The following OLFM2 variants were observed in gnomAD, a reference collection of about 807,000 sequenced individuals.
OLFM2 encodes noelin-2.
OLFM2 carries 20 observed loss-of-function variants against 43.9 expected under a neutral mutation model. The observed-to-expected ratio is 0.46, with a 90% CI of 0.32 to 0.66. The LOEUF is 0.66. OLFM2 is among the 30% of genes least tolerant of loss of function. The pLI is 0.04. For missense variants in OLFM2, 416 were observed against 643.6 expected (o/e 0.65, Z 3.83); for synonymous variants, 268 against 278.6 (o/e 0.96, Z 0.38).
At chr19:9,910,005 A>G (rs1229894098) in intron 1 of OLFM2, among the ~76,000 whole-genome samples, 1 of 152,084 alleles carries the variant, frequency 6.6e-6, no homozygotes, top group Non-Finnish European at 1.5e-5. Flanking sequence ...TTCAGTAGTG[A>G]GCAAAACACA....
intron 1 of OLFM2, chr19:9,913,717 C>G: frequency 9.9e-7 from 1 of 1,010,414 alleles, no homozygotes; most frequent in Non-Finnish European, 1.2e-6. Flanking sequence ...CCCGGGGGGG[C>G]GTGGGGGAGG....
chr19:9,876,444 A>C (rs971631214), intron 1 of OLFM2, among the ~76,000 whole-genome samples: 4 of 152,114 alleles, frequency 2.6e-5, no homozygotes, highest in Non-Finnish European at 4.4e-5. Context: ...ACATTGATCA[A>C]CCTGCCAATA....
At position 9,853,903 on chromosome 19, in the gene OLFM2, G is replaced by C; in HGVS notation, c.*283C>G. The C allele has an allele frequency of 3.5e-6, 2 of 571,016 alleles. No homozygotes were observed. Among genetic ancestry groups the C allele is most frequent in the South Asian group, 4.7e-5 (2 of 42,584 alleles). The allele number at this position is 571,016 out of a possible 1,614,324, so 35.4% of individuals were successfully genotyped here. On this transcript the variant is annotated 3_prime_UTR_variant, in exon 6 of 6. Transcript: ENST00000264833. ...AGAGAGAGAGACAGAGAGAGGCAGAGACGGAAAGAACTGGAGAACCAGAGC... is the reference window on the plus strand; with the variant it reads ...AGAGAGAGAGACAGAGAGAGGCAGACACGGAAAGAACTGGAGAACCAGAGC...
chr19:9,904,825 G>C (rs757720105), intron 1 of OLFM2, among the ~76,000 whole-genome samples: 17 of 152,104 alleles, frequency 1.1e-4, no homozygotes, highest in Non-Finnish European at 2.2e-4. Flanking sequence ...TTTGAGACCA[G>C]CCTGGGCCAC....
At chr19:9,935,602 C>G (rs907596137) in intron 1 of OLFM2, among the ~76,000 whole-genome samples, 2 of 152,220 alleles carry the variant, frequency 1.3e-5, no homozygotes, top group South Asian at 4.1e-4. Flanking sequence ...CACGCTCACT[C>G]CAAGGCTCTC....
chr19:9,896,608 T>C (rs1323819732), intron 1 of OLFM2, among the ~76,000 whole-genome samples: 3 of 152,160 alleles, frequency 2.0e-5, no homozygotes, highest in Non-Finnish European at 4.4e-5. Flanking sequence ...ATCCTTCCTC[T>C]TACCCCAGGG....
At position 9,929,170 on chromosome 19, in the gene OLFM2, C is replaced by T. The variant is rs943463674; in HGVS notation, c.63+7134G>A. On this transcript the variant is annotated intron_variant, in intron 1 of 5. Transcript: ENST00000264833. Reference sequence around the variant, plus strand: ...GTTCCTGTCATGACAAGTTTTTTCCCAACACAGCCAGACTCAACTCCTCCA... The same window carrying T: ...GTTCCTGTCATGACAAGTTTTTTCCTAACACAGCCAGACTCAACTCCTCCA... Among the ~76,000 whole-genome samples, 11 of 152,134 alleles carry T rather than the reference C, an allele frequency of 7.2e-5. No homozygotes were observed. The East Asian group carries it at 1.9e-3, about 27-fold the overall frequency.
chr19:9,915,340 G>A (rs893232822), intron 1 of OLFM2, among the ~76,000 whole-genome samples: 1 of 150,660 alleles, frequency 6.6e-6, no homozygotes, highest in African/African-American at 2.5e-5. Context: ...GCCTCCCAAA[G>A]TGTTGGCATT....
intron 1 of OLFM2, among the ~76,000 whole-genome samples, chr19:9,893,196 G>A (rs570710519): frequency 8.7e-5 from 13 of 148,888 alleles, no homozygotes; most frequent in African/African-American, 2.2e-4. Flanking sequence ...ACAGAGTCTC[G>A]CTCTGTTGCC....
chr19:9,910,388 A>C (rs1010618127), intron 1 of OLFM2, among the ~76,000 whole-genome samples: 14 of 152,136 alleles, frequency 9.2e-5, no homozygotes, highest in African/African-American at 3.4e-4. Context: ...GGGGTTTTCA[A>C]ACATAAAAAT....
chr19:9,921,542 G>A (rs758148456), intron 1 of OLFM2, among the ~76,000 whole-genome samples: 18 of 150,986 alleles, frequency 1.2e-4, no homozygotes, highest in Non-Finnish European at 2.2e-4. Context: ...AGGCTGGAGT[G>A]CAGTGGCATG....
At chr19:9,874,436 G>A (rs1196727684) in intron 1 of OLFM2, among the ~76,000 whole-genome samples, 1 of 151,456 alleles carries the variant, frequency 6.6e-6, no homozygotes, top group African/African-American at 2.4e-5. Flanking sequence ...CAAAGTGGTG[G>A]CATTACAGAC....
In OLFM2 at chr19:9,877,535, A is replaced by AAAATAAATAAAT. The variant is rs71188850; in HGVS notation, c.64-16753_64-16742dup. 2.0e-5 allele frequency among the ~76,000 whole-genome samples: 3 copies of AAAATAAATAAAT among 147,566 alleles called. No homozygotes were observed. The Admixed American group carries it at 2.0e-4, about 10-fold the overall frequency. On this transcript the variant is annotated intron_variant, in intron 1 of 5. Coordinates refer to ENST00000264833, the MANE Select transcript of OLFM2 (RefSeq NM_058164.4). ...GCAACAAGAGAGAAACTCTGTCTCA[A>AAAATAAATAAAT]AAATAAATAAATAAATAAATAAATA...
chr19:9,889,797 G>A (rs953327865), intron 1 of OLFM2, among the ~76,000 whole-genome samples: 1 of 152,162 alleles, frequency 6.6e-6, no homozygotes, highest in Non-Finnish European at 1.5e-5. Context: ...TGTGTGTGAA[G>A]GGGAGGCTCT....
intron 1 of OLFM2, among the ~76,000 whole-genome samples, chr19:9,911,157 A>G (rs2046824308): frequency 6.6e-6 from 1 of 152,182 alleles, no homozygotes; most frequent in Non-Finnish European, 1.5e-5. Context: ...TTCCCATTTT[A>G]TAGATGAGAA....
At chr19:9,877,360 C>T (rs1271467628) in intron 1 of OLFM2, among the ~76,000 whole-genome samples, 1 of 151,758 alleles carries the variant, frequency 6.6e-6, no homozygotes, top group Non-Finnish European at 1.5e-5. Flanking sequence ...ATGGAGAAAC[C>T]CCGTCTCTAC....
chr19:9,897,900 CTTTTA>C (rs1392202436), intron 1 of OLFM2, among the ~76,000 whole-genome samples: 2 of 151,624 alleles, frequency 1.3e-5, no homozygotes, highest in East Asian at 2.0e-4. Context: ...TTCTCCTTGT[CTTTTA>C]TTTTATTTTT....
At chr19:9,907,446 C>T (rs545293895) in intron 1 of OLFM2, among the ~76,000 whole-genome samples, 3 of 151,406 alleles carry the variant, frequency 2.0e-5, no homozygotes, top group African/African-American at 4.8e-5. Context: ...TGGGTGAGAG[C>T]GAGATTCTAT....
chr19:9,880,368 C>T (rs1432783698), intron 1 of OLFM2, among the ~76,000 whole-genome samples: 1 of 152,166 alleles, frequency 6.6e-6, no homozygotes, highest in Non-Finnish European at 1.5e-5. Flanking sequence ...GCGCAGACAT[C>T]CCCAACCTCA....
Sources: gnomAD v4.1 joint callset for allele counts (sites outside exome capture counted in the v4.1 genomes callset) on GRCh38, gnomAD v4.1.1 for gene constraint, MANE v1.5 for transcripts, NCBI Gene and HGNC (gene_info 2026-07-23, HGNC 2026-07-21) for gene names.